The following FBN3 variants were observed in gnomAD, a reference collection of about 807,000 sequenced individuals.
The protein encoded by FBN3 is fibrillin 3, also known as fibrillin-3.
Under a neutral mutation model 330.1 loss-of-function variants are expected in FBN3, and 234 were observed. The observed-to-expected ratio is 0.71, with a 90% CI of 0.64 to 0.79. The LOEUF is 0.79. Among genes scored for constraint, FBN3 ranks in the 30% least tolerant of loss-of-function variants. The pLI, the probability that FBN3 is intolerant of heterozygous loss-of-function variation, is 0.00. For synonymous variants in FBN3, 1,458 were observed against 1,517.3 expected (o/e 0.96, Z 0.91); for missense variants, 3,606 against 3,886.9 (o/e 0.93, Z 1.92).
intron 22 of FBN3, among the ~76,000 whole-genome samples, chr19:8,124,539 ATTTTT>A (rs55867844): frequency 3.0e-5 from 4 of 132,370 alleles, no homozygotes; most frequent in African/African-American, 1.1e-4. Flanking sequence ...TGCCTGGCCA[ATTTTT>A]TTTTTTTTTT....
intron 16 of FBN3, among the ~76,000 whole-genome samples, chr19:8,130,611 A>AGGAAGGAAGGAAGGAAG (rs1271445703): frequency 6.5e-5 from 1 of 15,500 alleles, no homozygotes; most frequent in Non-Finnish European, 1.3e-4. Context: ...AAAGAAAGAA[A>AGGAAGGAAGGAAGGAAG]GAAAGAAAGA....
chr19:8,148,341 G>C lies in FBN3; in HGVS notation c.-17-844C>G, dbSNP rs182720903. Among the ~76,000 whole-genome samples, 30 of 152,178 alleles carry C rather than the reference G, an allele frequency of 2.0e-4. 2 individuals carry two copies. In the South Asian group the frequency reaches 4.6e-3, roughly 23 times the overall value. On this transcript the variant is annotated intron_variant, in intron 1 of 63. Coordinates refer to ENST00000600128, the MANE Select transcript of FBN3 (RefSeq NM_032447.5). ...TCCCTGGGCAGGGGGCCCAGGCAGG[G>C]GCTGGAACTTCCCAATGCAGAGAGT...
chr19:8,145,681 A>C (rs1283653985), intron 5 of FBN3, among the ~76,000 whole-genome samples, 162 bp downstream of exon 5: 1 of 6,096 alleles, frequency 1.6e-4, no homozygotes, highest in Non-Finnish European at 4.7e-4. Flanking sequence ...ACTCTGTCTC[A>C]AAAAAAAAAA....
chr19:8,092,790 A>G (rs1039416947), intron 47 of FBN3, among the ~76,000 whole-genome samples: 5 of 151,864 alleles, frequency 3.3e-5, no homozygotes, highest in Non-Finnish European at 7.4e-5. Flanking sequence ...CGTTATTCTA[A>G]GTGAAGTAAC....
rs1001554636 is a variant in FBN3 at position 8,076,664 on chromosome 19, C to CAT, written c.7454-1255_7454-1254dup. ...TCTTAAAAATATATGTATACATACA[C>CAT]ATATATATATATTTTTCTTACTATT... On this transcript the variant is annotated intron_variant, in intron 59 of 63. Transcript: ENST00000600128. 3.3e-5 allele frequency among the ~76,000 whole-genome samples: 5 copies of CAT among 151,982 alleles called. No individual in the cohort carries two copies. In the East Asian group the frequency reaches 5.8e-4, roughly 18 times the overall value.
chr19:8,075,560 C>G (rs151264547), intron 59 of FBN3, 149 bp from the exon 60 acceptor site: 441 of 731,354 alleles, frequency 6.0e-4, no homozygotes, highest in Non-Finnish European at 5.2e-4. Flanking sequence ...AGATCTGTAA[C>G]AGTTCCTGAC....
intron 8 of FBN3, 42 bp from the exon 9 acceptor site, chr19:8,138,606 A>T: frequency 6.5e-7 from 1 of 1,546,504 alleles, no homozygotes; most frequent in South Asian, 1.2e-5. Flanking sequence ...ACAGGACATC[A>T]GTGACCAGAC....
intron 6 of FBN3, among the ~76,000 whole-genome samples, chr19:8,143,236 A>G (rs2083453916): frequency 6.6e-6 from 1 of 152,002 alleles, no homozygotes; most frequent in African/African-American, 2.4e-5. Context: ...TTCAGTCCCC[A>G]TGGATGGGGC....
In FBN3 at chr19:8,114,918, G is replaced by C. The variant is rs565538185; in HGVS notation, c.3838+597C>G. Among the ~76,000 whole-genome samples, 349 of 152,196 alleles carry C rather than the reference G, an allele frequency of 2.3e-3. 2 individuals carry two copies. Among genetic ancestry groups the C allele is most frequent in the African/African-American group, 8.1e-3 (335 of 41,516 alleles). ...GGGTCTCACTCTGTTGCCCAGGCTA[G>C]AATGCAGTGGTGCTATCTTGGCTCA... On this transcript the variant is annotated intron_variant, in intron 30 of 63. Coordinates refer to ENST00000600128, the MANE Select transcript of FBN3 (RefSeq NM_032447.5).
intron 56 of FBN3, among the ~76,000 whole-genome samples, chr19:8,085,068 T>C (rs903695319): frequency 2.0e-5 from 3 of 152,094 alleles, no homozygotes; most frequent in African/African-American, 7.2e-5. Flanking sequence ...TGAGCTGAGA[T>C]TGCACCACTG....
chr19:8,086,197 C>A lies in FBN3; in HGVS notation c.6880+3G>T. 1 of 1,578,100 alleles carries A rather than the reference C, an allele frequency of 6.3e-7. No homozygotes were observed. Among genetic ancestry groups the A allele is most frequent in the South Asian group, 1.1e-5 (1 of 89,508 alleles). On this transcript the variant is annotated splice_donor_region_variant and intron_variant, in intron 55 of 63. Coordinates refer to ENST00000600128, the MANE Select transcript of FBN3 (RefSeq NM_032447.5). ...ACCACTGTGCGTGTCCAGCCACACT[C>A]ACCGTGGCACTCGGTAAGGGTGGGG...
chr19:8,133,553 C>T (rs560691344), intron 13 of FBN3, among the ~76,000 whole-genome samples: 14 of 152,112 alleles, frequency 9.2e-5, no homozygotes, highest in Admixed American at 3.3e-4. Flanking sequence ...CGGGTTCAAG[C>T]GATTCTCCTG....
intron 46 of FBN3, 48 bp from the exon 47 acceptor site, chr19:8,094,613 G>A: frequency 6.3e-7 from 1 of 1,583,728 alleles, no homozygotes; most frequent in Non-Finnish European, 8.6e-7. Flanking sequence ...GGATGCAGGG[G>A]GCTCACTTGG....
At position 8,123,900 on chromosome 19, in the gene FBN3, C is replaced by A; in HGVS notation, c.2840G>T (p.Trp947Leu). 1 of 1,613,990 alleles carries A rather than the reference C, an allele frequency of 6.2e-7. No homozygotes were observed. The highest frequency in any genetic ancestry group is 8.5e-7 in the Non-Finnish European group (1 of 1,180,020). The change falls in exon 23 of 64, where the codon TGG (tryptophan) becomes TTG (leucine). Residue 947 changes from tryptophan to leucine, a missense_variant. Coordinates refer to ENST00000600128, the MANE Select transcript of FBN3 (RefSeq NM_032447.5). ...DVCCCSIGAV[W>L]GVECEACPDP... The stretch of plus-strand genomic sequence containing the variant: ...CGGGCAGGCCTCGCACTCGACTCCC[C>A]ACACGGCCCCGATGGAGCAGCAGCA...
intron 13 of FBN3, 25 bp downstream of exon 13, chr19:8,135,936 G>GGGGGGGGGGGCCCC: frequency 3.0e-6 from 2 of 668,770 alleles, no homozygotes; most frequent in Non-Finnish European, 4.8e-6. Flanking sequence ...GGAAGCCCCT[G>GGGGGGGGGGGCCCC]CCCACCCGCC....
rs764618978 is a variant in FBN3, at chr19:8,109,646, C to A, written c.4441G>T (p.Gly1481Ter). 3 of 1,592,358 alleles carry A rather than the reference C, an allele frequency of 1.9e-6. No individual in the cohort carries two copies. Among genetic ancestry groups the A allele is most frequent in the Non-Finnish European group, 2.6e-6 (3 of 1,169,294 alleles). Reference sequence around the variant, plus strand: ...ATGGACTCACCCACGCAGCCCACTCCGCTGGGGTTCAGCTCAAAATCCTGG... The same window carrying A: ...ATGGACTCACCCACGCAGCCCACTCAGCTGGGGTTCAGCTCAAAATCCTGG... ...CPQDFELNPS[G>*]VGCVDTRAGN... The change falls in exon 35 of 64, where the codon GGA becomes TGA. Residue 1481 changes from glycine to a stop codon, truncating the protein, a stop_gained. Transcript: ENST00000600128. LOFTEE classifies it high-confidence loss of function. This position sits in a 1 kb window ranked among gnomAD's most constrained non-coding sequence, Gnocchi z 5.2.
chr19:8,128,894 A>C, intron 18 of FBN3, 134 bp downstream of exon 18: 4 of 1,031,694 alleles, frequency 3.9e-6, no homozygotes, highest in Non-Finnish European at 5.6e-6. Context: ...CACTACATAT[A>C]GCATGCGTGT....
intron 38 of FBN3, 40 bp from the exon 39 acceptor site, chr19:8,103,727 G>A (rs374756814): frequency 9.1e-5 from 146 of 1,597,732 alleles, no homozygotes; most frequent in East Asian, 2.5e-4. Context: ...AGTGGGCAGC[G>A]TCCAGGAATT....
Position 8,072,200 on chromosome 19 carries a change from T to A in FBN3, c.7938-2A>T. ...AAGCCCAGGCCGGAGACACAGTGCCTGGGCCAGGATGGGCAGGGTGGAGGG... is the reference window on the plus strand; with the variant it reads ...AAGCCCAGGCCGGAGACACAGTGCCAGGGCCAGGATGGGCAGGGTGGAGGG... On this transcript the variant is annotated splice_acceptor_variant, in intron 62 of 63. Coordinates refer to ENST00000600128, the MANE Select transcript of FBN3 (RefSeq NM_032447.5). LOFTEE classifies it high-confidence loss of function. 1 of 1,525,400 alleles carries A rather than the reference T, an allele frequency of 6.6e-7. No homozygotes were observed. Among genetic ancestry groups the A allele is most frequent in the Non-Finnish European group, 8.8e-7 (1 of 1,139,382 alleles). 94.5% of individuals were successfully genotyped at this position (1,525,400 alleles called of 1,614,324 possible).
Sources: allele counts gnomAD v4.1 joint callset (sites outside exome capture counted in the v4.1 genomes callset), GRCh38; gene constraint gnomAD v4.1.1; non-coding constraint Gnocchi (gnomAD v3.1); transcripts MANE v1.5; gene names NCBI Gene and HGNC (gene_info 2026-07-23, HGNC 2026-07-21).